The following PEAK1 variants were observed in gnomAD, a reference collection of about 807,000 sequenced individuals.
PEAK1 encodes pseudopodium enriched atypical kinase 1.
Under a neutral mutation model 124.7 loss-of-function variants are expected in PEAK1, and 54 were observed. The ratio of observed to expected loss-of-function variants is 0.43; its 90% confidence interval spans 0.35 to 0.54. The LOEUF is 0.54. Ranked by LOEUF, PEAK1 falls within the 20% of genes least tolerant of loss-of-function variation. The pLI, the probability that PEAK1 is intolerant of heterozygous loss-of-function variation, is 0.01. For missense variants in PEAK1, 2,046 were observed against 2,134.5 expected, an observed-to-expected ratio of 0.96 and a Z score of 0.82; for synonymous variants, 719 against 760.0, an observed-to-expected ratio of 0.95 and a Z score of 0.89.
rs918426932 is a variant in PEAK1, at chr15:77,110,917, A to T, written c.*3239T>A. ...TCTTGAAGTTCTAGTCCTCTTTATG[A>T]AACATCCACTGAATTGCTTCCAAGA... On this transcript the variant is annotated 3_prime_UTR_variant, in exon 10 of 10. Transcript: ENST00000682557. 3.3e-5 allele frequency: 5 copies of T among 152,274 alleles called. No homozygotes were observed. Among genetic ancestry groups the T allele is most frequent in the African/African-American group, 1.2e-4 (5 of 41,468 alleles). 9.4% of individuals were successfully genotyped at this position (152,274 alleles called of 1,614,324 possible). A position where few individuals can be genotyped will look rare whatever the true frequency, so the allele number is the denominator to read the frequency against.
intron 5 of PEAK1, among the ~76,000 whole-genome samples, chr15:77,279,558 T>C (rs2062548923): frequency 6.6e-6 from 1 of 152,186 alleles, no homozygotes; most frequent in Non-Finnish European, 1.5e-5. Flanking sequence ...AGATAAATTC[T>C]GTCATTTTCA....
intron 1 of PEAK1, among the ~76,000 whole-genome samples, chr15:77,396,221 A>C (rs779646860): frequency 2.8e-4 from 42 of 152,200 alleles, no homozygotes; most frequent in Non-Finnish European, 5.0e-4. Flanking sequence ...TAGATATTAT[A>C]TGCAAGCCTC....
intron 8 of PEAK1, chr15:77,157,359 TGACTTCATG>T (rs1200500607): frequency 6.6e-6 from 1 of 152,260 alleles, no homozygotes; most frequent in African/African-American, 2.4e-5. Context: ...ACCTCTCTCC[TGACTTCATG>T]GAAGAAGAGC....
intron 2 of PEAK1, among the ~76,000 whole-genome samples, chr15:77,299,381 T>A (rs984564475): frequency 6.6e-6 from 1 of 152,208 alleles, no homozygotes; most frequent in Non-Finnish European, 1.5e-5. Context: ...TGTCCCATCA[T>A]CCCTAATAAC....
At chr15:77,177,216 A>G (rs746995465) in intron 7 of PEAK1, among the ~76,000 whole-genome samples, 2 of 152,136 alleles carry the variant, frequency 1.3e-5, no homozygotes, top group African/African-American at 4.8e-5. Flanking sequence ...TTGGCCTCCC[A>G]AAGTGCTGGG....
intron 1 of PEAK1, among the ~76,000 whole-genome samples, chr15:77,377,297 T>C (rs1040787842): frequency 5.3e-5 from 8 of 152,082 alleles, no homozygotes; most frequent in African/African-American, 1.9e-4. Flanking sequence ...GGTGGGAGGA[T>C]TGCTTAAGCC....
intron 1 of PEAK1, among the ~76,000 whole-genome samples, chr15:77,408,543 A>T (rs773102666): frequency 6.6e-6 from 1 of 150,978 alleles, no homozygotes; most frequent in African/African-American, 2.4e-5. Flanking sequence ...TAAAAATTTA[A>T]AAAAAAAAAC....
intron 5 of PEAK1, among the ~76,000 whole-genome samples, chr15:77,282,707 T>C (rs2062734048): frequency 6.6e-6 from 1 of 152,132 alleles, no homozygotes; most frequent in Non-Finnish European, 1.5e-5. Flanking sequence ...TAAATCACAA[T>C]GGGCCAATGA....
At chr15:77,251,667 T>C (rs1324517329) in intron 6 of PEAK1, among the ~76,000 whole-genome samples, 1 of 151,956 alleles carries the variant, frequency 6.6e-6, no homozygotes, top group Non-Finnish European at 1.5e-5. Flanking sequence ...ACTCCAGAGG[T>C]GGGGCTCAGA....
At chr15:77,403,854 A>G (rs1301325002) in intron 1 of PEAK1, 4 of 984,898 alleles carry the variant, frequency 4.1e-6, no homozygotes, top group East Asian at 1.1e-4. Flanking sequence ...CCCATGCCAC[A>G]TATTTATTAC....
chr15:77,295,426 G>A (rs145397794), intron 2 of PEAK1, among the ~76,000 whole-genome samples: 14 of 152,100 alleles, frequency 9.2e-5, no homozygotes, highest in Non-Finnish European at 2.1e-4. Flanking sequence ...TGTGGACTAC[G>A]GATGCTTTGA....
At position 77,277,766 on chromosome 15, in the gene PEAK1, A is replaced by G. The variant is rs117510536; in HGVS notation, c.-275+6117T>C. Among the ~76,000 whole-genome samples the G allele has an allele frequency of 8.8e-3, 1,338 of 152,324 alleles. 12 individuals carry two copies. The highest frequency in any genetic ancestry group is 0.015 in the Non-Finnish European group (1,024 of 68,014). On this transcript the variant is annotated intron_variant, in intron 5 of 9. Transcript: ENST00000682557. ...AGAAACCAATCTGAAAAGGCAGCAT[A>G]GTGTATGATTCCAACTATATGACAT...
At chr15:77,216,979 A>C (rs919860698) in intron 6 of PEAK1, among the ~76,000 whole-genome samples, 2 of 152,130 alleles carry the variant, frequency 1.3e-5, no homozygotes, top group African/African-American at 4.8e-5. Context: ...TCACACCTGT[A>C]ATCTCAGCAC....
At position 77,114,695 on chromosome 15, in the gene PEAK1, G is replaced by A. The variant is rs771333471; in HGVS notation, c.4702C>T (p.Pro1568Ser). 1 of 1,613,588 alleles carries A rather than the reference G, an allele frequency of 6.2e-7. No homozygotes were observed. Among genetic ancestry groups the A allele is most frequent in the Non-Finnish European group, 8.5e-7 (1 of 1,179,938 alleles). ...QAKQKSHLVD[P>S]EILRDQSRLA... ...CGAGACTGGTCCCGGAGGATCTCGG[G>A]GTCCACCAGATGGCTCTTCTGCTTG... The change falls in exon 10 of 10, where the codon CCC (proline) becomes TCC (serine). Residue 1568 changes from proline to serine, a missense_variant. Physicochemically the swap from Pro to Ser is moderately conservative, Grantham distance 74. Transcript: ENST00000682557.
At chr15:77,209,493 C>T (rs2058810873) in intron 6 of PEAK1, among the ~76,000 whole-genome samples, 1 of 152,130 alleles carries the variant, frequency 6.6e-6, no homozygotes, top group Non-Finnish European at 1.5e-5. Context: ...CCTATATTAG[C>T]ATCAGATGTG....
At chr15:77,130,566 C>T (rs1279799401) in intron 9 of PEAK1, among the ~76,000 whole-genome samples, 2 of 152,162 alleles carry the variant, frequency 1.3e-5, no homozygotes, top group South Asian at 2.1e-4. Context: ...TAAGGCCAAT[C>T]GTTACCTTAT....
intron 6 of PEAK1, among the ~76,000 whole-genome samples, chr15:77,196,920 G>A (rs934829365): frequency 6.6e-6 from 1 of 152,202 alleles, no homozygotes; most frequent in South Asian, 2.1e-4. Context: ...TGCGATCATG[G>A]CTCACTGCAG....
chr15:77,212,741 A>G (rs2058962336), intron 6 of PEAK1, among the ~76,000 whole-genome samples: 2 of 152,188 alleles, frequency 1.3e-5, no homozygotes, highest in East Asian at 1.9e-4. Flanking sequence ...GGGCAATATT[A>G]TCTCAAAAGT....
At chr15:77,216,083 C>G (rs889578948) in intron 6 of PEAK1, among the ~76,000 whole-genome samples, 2 of 152,062 alleles carry the variant, frequency 1.3e-5, no homozygotes, top group Admixed American at 1.3e-4. Context: ...CTTCAAAATA[C>G]CTGTTGCAAT....
Sources: allele counts gnomAD v4.1 joint callset (sites outside exome capture counted in the v4.1 genomes callset), GRCh38; gene constraint gnomAD v4.1.1; transcripts MANE v1.5; gene names NCBI Gene and HGNC (gene_info 2026-07-23, HGNC 2026-07-21).